The following SLC44A5 variants were observed in gnomAD, a reference collection of about 807,000 sequenced individuals.
SLC44A5 encodes the protein solute carrier family 44 member 5.
In SLC44A5, 57 loss-of-function variants were observed where a neutral mutation model predicts 101.8. That is an observed-to-expected ratio of 0.56 (90% CI 0.45 to 0.70). SLC44A5 has a LOEUF of 0.70. Among genes scored for constraint, SLC44A5 ranks in the 30% least tolerant of loss-of-function variants. The pLI is 0.00. For missense variants in SLC44A5, 737 were observed against 853.1 expected (o/e 0.86, Z 1.70); for synonymous variants, 281 against 290.9 (o/e 0.97, Z 0.35).
chr1:75,693,639 C>G, the SLC44A5 span, among the ~76,000 whole-genome samples: 1 of 152,106 alleles, frequency 6.6e-6, no homozygotes, highest in African/African-American at 2.4e-5. Flanking sequence ...AAAAATGGTA[C>G]GGAAGAGTTC....
chr1:75,365,395 C>G lies in SLC44A5; in HGVS notation c.53-25765G>C, dbSNP rs147462036. 3.7e-3 allele frequency among the ~76,000 whole-genome samples: 569 copies of G among 152,212 alleles called. 5 individuals carry two copies. Among genetic ancestry groups the G allele is most frequent in the African/African-American group, 0.013 (544 of 41,532 alleles). The stretch of plus-strand genomic sequence containing the variant: ...GTCTAAGTGTTCTTATCATTTAGCT[C>G]CAACTTATAAATAAGAACACATGGT... On this transcript the variant is annotated intron_variant, in intron 3 of 23. Transcript: ENST00000370859.
intron 11 of SLC44A5, among the ~76,000 whole-genome samples, chr1:75,235,814 AG>A (rs1648027518): frequency 6.6e-6 from 1 of 152,080 alleles, no homozygotes; most frequent in African/African-American, 2.4e-5. Context: ...TATAGAAGTT[AG>A]GAAAACAAAG....
chr1:75,392,287 A>T (rs1394051115), intron 3 of SLC44A5, among the ~76,000 whole-genome samples: 1 of 152,216 alleles, frequency 6.6e-6, no homozygotes, highest in Non-Finnish European at 1.5e-5. Context: ...ACAAAGGTCT[A>T]ATATCCAGAA....
intron 1 of SLC44A5, among the ~76,000 whole-genome samples, chr1:75,551,013 T>C (rs1234633375): frequency 1.3e-5 from 2 of 152,158 alleles, no homozygotes; most frequent in East Asian, 3.8e-4. Context: ...AGTTAGGTAA[T>C]TGATGTAAAG....
rs1340683174 is a variant in SLC44A5, at chr1:75,376,469, C to T, written c.52+20114G>A. On this transcript the variant is annotated intron_variant, in intron 3 of 23. Transcript: ENST00000370859. Reference sequence around the variant, plus strand: ...AGCTTTGAAGAGAGCAGTGGTTCTCCCAGCACGCAGCTGGAGATCTGAGAA... The same window carrying T: ...AGCTTTGAAGAGAGCAGTGGTTCTCTCAGCACGCAGCTGGAGATCTGAGAA... Among the ~76,000 whole-genome samples the T allele has an allele frequency of 2.0e-5, 3 of 152,300 alleles. No homozygotes were observed. The East Asian group carries it at 5.8e-4, about 29-fold the overall frequency.
chr1:75,280,826 T>C (rs956168216), intron 5 of SLC44A5, among the ~76,000 whole-genome samples: 4 of 152,070 alleles, frequency 2.6e-5, no homozygotes, highest in Non-Finnish European at 4.4e-5. Context: ...TCTGCCATGA[T>C]TGTAAATTTC....
rs1570405102 is a variant in SLC44A5 at position 75,479,520 on chromosome 1, G to T, written c.13+61915C>A. On this transcript the variant is annotated intron_variant, in intron 2 of 23. Transcript: ENST00000370859. ...GACCGCTAGCAAGACTAATGAAGAA[G>T]AAAAGAGAGAAGAATCAAATAGATG... Among the ~76,000 whole-genome samples, 3 of 152,186 alleles carry T rather than the reference G, an allele frequency of 2.0e-5. No homozygotes were observed. The South Asian group carries it at 6.2e-4, about 32-fold the overall frequency.
chr1:75,641,978 T>C, the SLC44A5 span: 1 of 1,556,320 alleles, frequency 6.4e-7, no homozygotes, highest in Non-Finnish European at 8.8e-7. Context: ...TGGTGGAGAA[T>C]CATCTTCCTC....
Position 75,510,832 on chromosome 1 carries a change from A to G in SLC44A5, c.13+30603T>C, listed in dbSNP as rs539715345. On this transcript the variant is annotated intron_variant, in intron 2 of 23. Transcript: ENST00000370859. ...CTGAACCCAATTCTGATCAACAACA[A>G]CAACAAAAATAGTTAAAGAAAAATG... Among the ~76,000 whole-genome samples, 215 of 152,336 alleles carry G rather than the reference A, an allele frequency of 1.4e-3. 1 individual carries two copies. Among genetic ancestry groups the G allele is most frequent in the African/African-American group, 4.7e-3 (196 of 41,578 alleles).
intron 4 of SLC44A5, among the ~76,000 whole-genome samples, chr1:75,331,190 T>C (rs888136467): frequency 2.6e-5 from 4 of 152,138 alleles, no homozygotes; most frequent in African/African-American, 9.7e-5. Flanking sequence ...CTCCCAATTC[T>C]TGATCACCAG....
chr1:75,646,036 T>C, the SLC44A5 span, among the ~76,000 whole-genome samples: 3 of 134,108 alleles, frequency 2.2e-5, no homozygotes, highest in Non-Finnish European at 5.0e-5. Flanking sequence ...TTACTGTAGC[T>C]TTGTAGTATA....
At chr1:75,487,269 A>G (rs1238326021) in intron 2 of SLC44A5, among the ~76,000 whole-genome samples, 1 of 152,120 alleles carries the variant, frequency 6.6e-6, no homozygotes, top group East Asian at 1.9e-4. Flanking sequence ...GAGAGAGAAT[A>G]ACAGGAAGAG....
At chr1:75,686,593 C>T in the SLC44A5 span, among the ~76,000 whole-genome samples, 2 of 152,094 alleles carry the variant, frequency 1.3e-5, no homozygotes, top group African/African-American at 2.4e-5. Context: ...AGGATCACAG[C>T]GATTATTGAA....
rs146852756 is a variant in SLC44A5 at position 75,209,678 on chromosome 1, G to T, written c.2047+1790C>A. Among the ~76,000 whole-genome samples, 95 of 152,228 alleles carry T rather than the reference G, an allele frequency of 6.2e-4. 3 individuals are homozygous for T. The East Asian group carries it at 0.015, about 24-fold the overall frequency. The stretch of plus-strand genomic sequence containing the variant: ...TCAGAAACAAACAAACAAAAAACAA[G>T]GCCAGACTTTTTTCCAGGAGGTTTT... On this transcript the variant is annotated intron_variant, in intron 23 of 23. Coordinates refer to ENST00000370859, the MANE Select transcript of SLC44A5 (RefSeq NM_001130058.2).
At chr1:75,720,955 C>T in the SLC44A5 span, among the ~76,000 whole-genome samples, 1 of 152,040 alleles carries the variant, frequency 6.6e-6, no homozygotes, top group Non-Finnish European at 1.5e-5. Flanking sequence ...CTGGAACCAA[C>T]AGAAAGGAAA....
At chr1:75,633,964 A>G in the SLC44A5 span, among the ~76,000 whole-genome samples, 1 of 152,094 alleles carries the variant, frequency 6.6e-6, no homozygotes, top group Non-Finnish European at 1.5e-5. Flanking sequence ...CCTTTTCTGC[A>G]TCTATTGAGA....
chr1:75,227,739 T>A lies in SLC44A5; in HGVS notation c.972A>T (p.Thr324=). ...TAAAATACTCACTAAATGTGAACCA[T>A]GTTTGTTGCAGTTCAAAGTACATGC... ...NISMYFELQQ[T]WFTFMIILCI... is the part of the protein sequence containing the mutation. Residue 324 remains threonine, a synonymous_variant, in exon 13 of 24, where the codon ACA becomes ACT. Coordinates refer to ENST00000370859, the MANE Select transcript of SLC44A5 (RefSeq NM_001130058.2). 3.9e-6 allele frequency: 6 copies of A among 1,556,388 alleles called. No homozygotes were observed. Among genetic ancestry groups the A allele is most frequent in the Non-Finnish European group, 5.2e-6 (6 of 1,162,940 alleles).
chr1:75,347,395 C>T (rs1658324128), intron 3 of SLC44A5, among the ~76,000 whole-genome samples: 1 of 152,098 alleles, frequency 6.6e-6, no homozygotes. Flanking sequence ...AATTTCTACC[C>T]ACAATACATC....
intron 2 of SLC44A5, among the ~76,000 whole-genome samples, chr1:75,480,076 TG>T (rs1379943082): frequency 1.3e-5 from 2 of 152,216 alleles, no homozygotes; most frequent in African/African-American, 4.8e-5. Flanking sequence ...GCTTCATCCC[TG>T]GGATGCAAGG....
Sources: gnomAD v4.1 joint callset for allele counts (sites outside exome capture counted in the v4.1 genomes callset) on GRCh38, gnomAD v4.1.1 for gene constraint, MANE v1.5 for transcripts, NCBI Gene and HGNC (gene_info 2026-07-23, HGNC 2026-07-21) for gene names.